PRPF39: variants seen among roughly 807,000 people sequenced by gnomAD.
PRPF39 encodes pre-mRNA processing factor 39.
Under a neutral mutation model 82.1 loss-of-function variants are expected in PRPF39, and 27 were observed. The observed-to-expected ratio is 0.33, with a 90% CI of 0.24 to 0.45. PRPF39 has a LOEUF of 0.45. Among genes scored for constraint, PRPF39 ranks in the 20% least tolerant of loss-of-function variants. The pLI is 1.00. For missense variants in PRPF39, 581 were observed against 796.9 expected (o/e 0.73, Z 3.26); for synonymous variants, 261 against 256.4 (o/e 1.02, Z -0.17).
chr14:45,107,917 AGACTCCATCTCGGGGG>A (rs1418888759), intron 6 of PRPF39, among the ~76,000 whole-genome samples: 1 of 151,914 alleles, frequency 6.6e-6, no homozygotes, highest in Non-Finnish European at 1.5e-5. Flanking sequence ...CCAAAGAGCA[AGACTCCATCTCGGGGG>A]GAAAAAAAGG....
intron 4 of PRPF39, 134 bp from the exon 5 acceptor site, chr14:45,102,395 C>T: frequency 7.8e-6 from 5 of 643,478 alleles, no homozygotes; most frequent in South Asian, 2.7e-5. Context: ...TTCTGTCTAC[C>T]CTTTAATCCC....
At chr14:45,105,106 A>C (rs1250245512) in intron 5 of PRPF39, among the ~76,000 whole-genome samples, 1 of 152,228 alleles carries the variant, frequency 6.6e-6, no homozygotes, top group Non-Finnish European at 1.5e-5. Context: ...AATATTTAGG[A>C]ATAGAGCTCA....
rs371293863 is a variant in PRPF39, at chr14:45,096,627, C to A, written c.451-260C>A. 4 of 1,479,900 alleles carry A rather than the reference C, an allele frequency of 2.7e-6. No individual in the cohort carries two copies. In the African/African-American group the frequency reaches 5.6e-5, roughly 21 times the overall value. The allele number at this position is 1,479,900 out of a possible 1,614,324, so 91.7% of individuals were successfully genotyped here. On this transcript the variant is annotated intron_variant, in intron 3 of 13. Coordinates refer to ENST00000355765, the MANE Select transcript of PRPF39 (RefSeq NM_017922.4). The stretch of plus-strand genomic sequence containing the variant: ...TCATTGATGCTCTAATGGGTCTGTG[C>A]CCTATGGTCTGTAACCCAAAGCCTG...
At chr14:45,100,741 A>G (rs531445186) in intron 4 of PRPF39, among the ~76,000 whole-genome samples, 1 of 152,172 alleles carries the variant, frequency 6.6e-6, no homozygotes, top group African/African-American at 2.4e-5. Flanking sequence ...TATATTAAAC[A>G]TATTTCCTCC....
chr14:45,108,956 A>G (rs796303543), intron 7 of PRPF39, among the ~76,000 whole-genome samples: 28 of 152,304 alleles, frequency 1.8e-4, no homozygotes, highest in African/African-American at 5.5e-4. Flanking sequence ...ATACAGTTCA[A>G]TAGTTCTTAG....
chr14:45,088,078 T>C (rs1001070162), intron 1 of PRPF39, among the ~76,000 whole-genome samples: 14 of 152,178 alleles, frequency 9.2e-5, no homozygotes, highest in African/African-American at 3.4e-4. Flanking sequence ...GTCCTTACTC[T>C]CAAGAATTGT....
At position 45,115,773 on chromosome 14, in the gene PRPF39, C is replaced by T. The variant is rs373588800; in HGVS notation, c.*860C>T. 3.0e-4 allele frequency: 46 copies of T among 154,188 alleles called. No homozygotes were observed. In the East Asian group the frequency reaches 7.9e-3, roughly 27 times the overall value. The allele number at this position is 154,188 out of a possible 1,614,324, so 9.6% of individuals were successfully genotyped here. ...TTTCCCCTCAAGCCTTATGCTTTTGCCTTCTCATTATACAGGCAATCTGTC... is the reference window on the plus strand; with the variant it reads ...TTTCCCCTCAAGCCTTATGCTTTTGTCTTCTCATTATACAGGCAATCTGTC... On this transcript the variant is annotated 3_prime_UTR_variant, in exon 14 of 14. Coordinates refer to ENST00000355765, the MANE Select transcript of PRPF39 (RefSeq NM_017922.4).
rs971031490 is a variant in PRPF39, at chr14:45,115,994, G to A, written c.*1081G>A. 6 of 539,156 alleles carry A rather than the reference G, an allele frequency of 1.1e-5. No individual in the cohort carries two copies. The East Asian group carries it at 1.7e-4, about 16-fold the overall frequency. 33.4% of individuals were successfully genotyped at this position (539,156 alleles called of 1,614,324 possible). On this transcript the variant is annotated 3_prime_UTR_variant, in exon 14 of 14. Transcript: ENST00000355765. Reference sequence around the variant, plus strand: ...TCCTTGACCAGTATTTTACACAGCTGTAGGAAAGTATTTTAGACCAGGGAT... The same window carrying A: ...TCCTTGACCAGTATTTTACACAGCTATAGGAAAGTATTTTAGACCAGGGAT...
chr14:45,089,293 C>T (rs1295139453), intron 1 of PRPF39, among the ~76,000 whole-genome samples: 1 of 151,858 alleles, frequency 6.6e-6, no homozygotes, highest in Non-Finnish European at 1.5e-5. Flanking sequence ...AGACCAGGGT[C>T]CAACTTCATT....
At position 45,112,306 on chromosome 14, in the gene PRPF39, C is replaced by CT; in HGVS notation, c.1573-7dup. On this transcript the variant is annotated splice_polypyrimidine_tract_variant and intron_variant, in intron 10 of 13. Coordinates refer to ENST00000355765, the MANE Select transcript of PRPF39 (RefSeq NM_017922.4). ...ATTTTAGAAATATTCATTGATGCTG[C>CT]TTTTTACACAGGAGAACACAAAGTT... 6.5e-7 allele frequency: 1 copy of CT among 1,544,120 alleles called. No homozygotes were observed. Among genetic ancestry groups the CT allele is most frequent in the South Asian group, 1.3e-5 (1 of 77,912 alleles).
chr14:45,107,399 TG>T, intron 5 of PRPF39, 51 bp from the exon 6 acceptor site: 1 of 1,345,576 alleles, frequency 7.4e-7, no homozygotes, highest in Non-Finnish European at 1.0e-6. Flanking sequence ...AATCTCAATA[TG>T]AGATCTAAAA....
chr14:45,107,398 A>AT (rs1884568221), intron 5 of PRPF39, 53 bp from the exon 6 acceptor site: 8 of 1,316,698 alleles, frequency 6.1e-6, no homozygotes, highest in East Asian at 5.0e-5. Context: ...GAATCTCAAT[A>AT]TGAGATCTAA....
Position 45,110,931 on chromosome 14 carries a change from T to C in PRPF39, c.1572+114T>C, listed in dbSNP as rs1884678105. ...GTCTGTATGTAATAGATTTTATTAC[T>C]AAATGAGGACAACAGTCCCTCTAAA... On this transcript the variant is annotated intron_variant, in intron 10 of 13. Transcript: ENST00000355765. This position sits in a 1 kb window ranked among gnomAD's most constrained non-coding sequence, Gnocchi z 4.0. 1 of 1,041,960 alleles carries C rather than the reference T, an allele frequency of 9.6e-7. No individual in the cohort carries two copies. The highest frequency in any genetic ancestry group is 2.9e-5 in the Admixed American group (1 of 34,822). 64.5% of individuals were successfully genotyped at this position (1,041,960 alleles called of 1,614,324 possible). A position where few individuals can be genotyped will look rare whatever the true frequency, so the allele number is the denominator to read the frequency against.
chr14:45,091,020 G>T (rs1884005546), intron 1 of PRPF39, among the ~76,000 whole-genome samples: 1 of 151,468 alleles, frequency 6.6e-6, no homozygotes. Context: ...TTCTTTCTTA[G>T]GAAAAAAATA....
intron 5 of PRPF39, among the ~76,000 whole-genome samples, chr14:45,102,951 C>G (rs1884419853): frequency 6.6e-6 from 1 of 152,052 alleles, no homozygotes; most frequent in Admixed American, 6.5e-5. Context: ...AACAGGAATT[C>G]TGTCTTGTCT....
At chr14:45,098,938 G>A (rs963069141) in intron 4 of PRPF39, among the ~76,000 whole-genome samples, 6 of 152,118 alleles carry the variant, frequency 3.9e-5, no homozygotes, top group Admixed American at 1.3e-4. Flanking sequence ...TTAAGGTTTG[G>A]TAAGCTGTAG....
At chr14:45,113,906 T>C (rs1447065753) in intron 11 of PRPF39, among the ~76,000 whole-genome samples, 1 of 152,190 alleles carries the variant, frequency 6.6e-6, no homozygotes, top group Non-Finnish European at 1.5e-5. Flanking sequence ...TAGTAAGCTA[T>C]TGGAATTTTG....
intron 10 of PRPF39, among the ~76,000 whole-genome samples, chr14:45,111,630 G>GTTT (rs1884699297): frequency 2.7e-5 from 3 of 109,446 alleles, no homozygotes; most frequent in Non-Finnish European, 5.6e-5. Flanking sequence ...CTGCACCTGG[G>GTTT]CTTTTTTTTT....
intron 4 of PRPF39, 23 bp from the exon 5 acceptor site, chr14:45,102,506 T>C: frequency 6.4e-7 from 1 of 1,554,894 alleles, no homozygotes; most frequent in Non-Finnish European, 8.7e-7. Flanking sequence ...GAAAGATAAC[T>C]TAAGAGTAAT....
Sources: gnomAD v4.1 joint callset for allele counts (sites outside exome capture counted in the v4.1 genomes callset) on GRCh38, gnomAD v4.1.1 for gene constraint, Gnocchi (gnomAD v3.1) non-coding constraint, MANE v1.5 for transcripts, NCBI Gene and HGNC (gene_info 2026-07-23, HGNC 2026-07-21) for gene names.